ARHGEF12: variants seen among roughly 807,000 people sequenced by gnomAD.
ARHGEF12 encodes KMT2A/ARHGEF12 fusion protein.
ARHGEF12 carries 66 observed loss-of-function variants against 211.2 expected under a neutral mutation model. That is an observed-to-expected ratio of 0.31 (90% CI 0.26 to 0.38). The LOEUF (loss-of-function observed/expected upper bound fraction) is 0.38. ARHGEF12 is among the 10% of genes least tolerant of loss of function. The pLI, the probability that ARHGEF12 is intolerant of heterozygous loss-of-function variation, is 1.00. For synonymous variants in ARHGEF12, 592 were observed against 638.4 expected (o/e 0.93, Z 1.09); for missense variants, 1,429 against 1,869.5 (o/e 0.76, Z 4.34).
chr11:120,477,878 A>AG lies in ARHGEF12; in HGVS notation c.3533-278_3533-277insG, dbSNP rs1947101372. On this transcript the variant is annotated intron_variant, in intron 36 of 40. Transcript: ENST00000397843. ...CCGAAACACCAAAAAAAAAAAAGAAAAAAAGAAAAAAAAGAAAATAAAATA... is the reference window on the plus strand; with the variant it reads ...CCGAAACACCAAAAAAAAAAAAGAAAGAAAAGAAAAAAAAGAAAATAAAATA... Among the ~76,000 whole-genome samples the AG allele has an allele frequency of 2.7e-5, 4 of 149,046 alleles. No homozygotes were observed. The East Asian group carries it at 5.8e-4, about 22-fold the overall frequency.
intron 1 of ARHGEF12, chr11:120,365,738 A>G (rs1943404794): frequency 6.6e-6 from 1 of 152,160 alleles, no homozygotes; most frequent in African/African-American, 2.4e-5. Context: ...GGTTGTCTTG[A>G]TAAGTATTAG....
At chr11:120,461,677 C>T (rs548955663) in intron 27 of ARHGEF12, among the ~76,000 whole-genome samples, 1 of 152,332 alleles carries the variant, frequency 6.6e-6, no homozygotes, top group African/African-American at 2.4e-5. Context: ...AAGGCTATTT[C>T]ATCTACATTG....
At chr11:120,404,702 T>C (rs1224214425) in intron 1 of ARHGEF12, among the ~76,000 whole-genome samples, 3 of 152,172 alleles carry the variant, frequency 2.0e-5, no homozygotes, top group Non-Finnish European at 4.4e-5. Context: ...AGCATTGTTT[T>C]AGGGTAGGAG....
intron 12 of ARHGEF12, 70 bp downstream of exon 12, chr11:120,437,452 A>C: frequency 9.7e-7 from 1 of 1,026,226 alleles, no homozygotes; most frequent in Non-Finnish European, 1.4e-6. Flanking sequence ...TGGTATAGAC[A>C]CATCTGATGT....
chr11:120,340,648 C>T (rs1942505876), intron 1 of ARHGEF12, among the ~76,000 whole-genome samples: 3 of 152,034 alleles, frequency 2.0e-5, no homozygotes, highest in Non-Finnish European at 2.9e-5. Context: ...TTATTTTCAA[C>T]GTTGCATGAG....
At chr11:120,369,335 G>A (rs537712696) in intron 1 of ARHGEF12, among the ~76,000 whole-genome samples, 1 of 152,040 alleles carries the variant, frequency 6.6e-6, no homozygotes, top group Non-Finnish European at 1.5e-5. Flanking sequence ...CACCATGTTG[G>A]CCAGGCTGGT....
intron 13 of ARHGEF12, among the ~76,000 whole-genome samples, chr11:120,440,807 T>C (rs1217398158): frequency 6.6e-6 from 1 of 152,190 alleles, no homozygotes; most frequent in African/African-American, 2.4e-5. Flanking sequence ...TCTTTCATCA[T>C]TAAGTATGAT....
At chr11:120,431,118 C>T (rs915212073) in intron 10 of ARHGEF12, among the ~76,000 whole-genome samples, 2 of 151,782 alleles carry the variant, frequency 1.3e-5, no homozygotes, top group South Asian at 2.1e-4. Flanking sequence ...GGTGAAACTC[C>T]GACTCTACTA....
At position 120,371,579 on chromosome 11, in the gene ARHGEF12, C is replaced by T. The variant is rs903400807; in HGVS notation, c.32+34304C>T. Among the ~76,000 whole-genome samples, 3 of 152,134 alleles carry T rather than the reference C, an allele frequency of 2.0e-5. No homozygotes were observed. In the East Asian group the frequency reaches 5.8e-4, roughly 29 times the overall value. Reference sequence around the variant, plus strand: ...AGATTATAACCCTTATACCCCACTTCCTAAAAAAGGATGTGAAATGGTTTA... The same window carrying T: ...AGATTATAACCCTTATACCCCACTTTCTAAAAAAGGATGTGAAATGGTTTA... On this transcript the variant is annotated intron_variant, in intron 1 of 40. Coordinates refer to ENST00000397843, the MANE Select transcript of ARHGEF12 (RefSeq NM_015313.3).
chr11:120,440,850 T>G (rs1196968467), intron 13 of ARHGEF12, among the ~76,000 whole-genome samples: 2 of 152,122 alleles, frequency 1.3e-5, no homozygotes, highest in African/African-American at 4.8e-5. Context: ...AGGCTCTTTA[T>G]AAGGTTAAGG....
chr11:120,368,080 G>A (rs1034373783), intron 1 of ARHGEF12, among the ~76,000 whole-genome samples: 1 of 152,114 alleles, frequency 6.6e-6, no homozygotes, highest in African/African-American at 2.4e-5. Flanking sequence ...TTATATTTGA[G>A]TGGCCTCTTT....
chr11:120,417,562 T>C (rs1436506828), intron 4 of ARHGEF12, among the ~76,000 whole-genome samples: 1 of 149,764 alleles, frequency 6.7e-6, no homozygotes, highest in Non-Finnish European at 1.5e-5. Flanking sequence ...CAGGCTAGGC[T>C]GGAGTGCAGT....
chr11:120,414,835 T>C (rs1007142736), intron 4 of ARHGEF12, among the ~76,000 whole-genome samples: 2 of 152,208 alleles, frequency 1.3e-5, no homozygotes, highest in African/African-American at 4.8e-5. Context: ...CAACCAGTCC[T>C]CTTGCCTTGG....
intron 1 of ARHGEF12, among the ~76,000 whole-genome samples, chr11:120,405,762 T>TGA (rs1160629527): frequency 6.6e-6 from 1 of 152,218 alleles, no homozygotes; most frequent in Non-Finnish European, 1.5e-5. Flanking sequence ...TATCTCTTCA[T>TGA]AGAGATTTCT....
intron 6 of ARHGEF12, among the ~76,000 whole-genome samples, chr11:120,423,540 G>A (rs1220442706): frequency 6.6e-6 from 1 of 152,036 alleles, no homozygotes; most frequent in Non-Finnish European, 1.5e-5. Context: ...GAAAAGAATG[G>A]ATTAGGTCAG....
chr11:120,429,224 G>A (rs1945452075), intron 8 of ARHGEF12, among the ~76,000 whole-genome samples: 1 of 152,160 alleles, frequency 6.6e-6, no homozygotes, highest in Non-Finnish European at 1.5e-5. Context: ...CTTGAATCCA[G>A]TTTAGTAAAA....
intron 4 of ARHGEF12, among the ~76,000 whole-genome samples, chr11:120,417,147 G>A (rs572097869): frequency 2.6e-5 from 4 of 152,116 alleles, no homozygotes; most frequent in Admixed American, 6.5e-5. Context: ...TGCAAACATA[G>A]CAAACTCCTT....
Position 120,336,757 on chromosome 11 carries a change from G to A in ARHGEF12, c.-487G>A, listed in dbSNP as rs1033776511. Among the ~76,000 whole-genome samples the A allele has an allele frequency of 6.6e-6, 1 of 152,174 alleles. No individual in the cohort carries two copies. Among genetic ancestry groups the A allele is most frequent in the African/African-American group, 2.4e-5 (1 of 41,458 alleles). On this transcript the variant is annotated 5_prime_UTR_variant, in exon 1 of 41. Coordinates refer to ENST00000397843, the MANE Select transcript of ARHGEF12 (RefSeq NM_015313.3). ...CCCGGCGCGGGACGGCCGGAGACGC[G>A]GCCAACGCTGCGGCCACGAGCAGCC...
At chr11:120,371,821 C>A (rs772617934) in intron 1 of ARHGEF12, among the ~76,000 whole-genome samples, 4 of 151,990 alleles carry the variant, frequency 2.6e-5, no homozygotes, top group Non-Finnish European at 5.9e-5. Flanking sequence ...TAATTTTACT[C>A]CCATTAAATT....
Sources: allele counts gnomAD v4.1 joint callset (sites outside exome capture counted in the v4.1 genomes callset), GRCh38; gene constraint gnomAD v4.1.1; transcripts MANE v1.5; gene names NCBI Gene and HGNC (gene_info 2026-07-23, HGNC 2026-07-21).